GLE1: variants seen among roughly 807,000 people sequenced by gnomAD.
The protein encoded by GLE1 is mRNA export factor GLE1.
In GLE1, 78 loss-of-function variants were observed where a neutral mutation model predicts 97.3. The observed-to-expected ratio is 0.80, with a 90% CI of 0.67 to 0.97. GLE1 has a LOEUF of 0.97. Ranked by LOEUF, GLE1 falls within the 50% of genes least tolerant of loss-of-function variation. The pLI, the probability that GLE1 is intolerant of heterozygous loss-of-function variation, is 0.00. For synonymous variants in GLE1, 302 were observed against 313.4 expected (o/e 0.96, Z 0.39); for missense variants, 753 against 857.5 (o/e 0.88, Z 1.52).
At chr9:128,514,295 C>T (rs866995250) in intron 2 of GLE1, among the ~76,000 whole-genome samples, 13 of 145,958 alleles carry the variant, frequency 8.9e-5, no homozygotes, top group East Asian at 4.1e-4. Flanking sequence ...TCCGTGATCA[C>T]GCCACTATAC....
chr9:128,527,599 G>A (rs1189931864), intron 9 of GLE1, 74 bp downstream of exon 9: 1 of 900,318 alleles, frequency 1.1e-6, no homozygotes, highest in Non-Finnish European at 1.9e-6. Context: ...CTATGTATCT[G>A]TAAGGTTCCT....
intron 1 of GLE1, among the ~76,000 whole-genome samples, chr9:128,506,519 C>T (rs1846645060): frequency 6.6e-6 from 1 of 152,122 alleles, no homozygotes; most frequent in Non-Finnish European, 1.5e-5. Flanking sequence ...AAAAAGATGT[C>T]CCAGGTGCAA....
chr9:128,523,582 T>G lies in GLE1; in HGVS notation c.643-10T>G, dbSNP rs1207678915. 6.2e-7 allele frequency: 1 copy of G among 1,613,866 alleles called. No individual in the cohort carries two copies. The highest frequency in any genetic ancestry group is 1.3e-5 in the African/African-American group (1 of 75,018). On this transcript the variant is annotated splice_polypyrimidine_tract_variant and intron_variant, in intron 5 of 15. Coordinates refer to ENST00000309971, the MANE Select transcript of GLE1 (RefSeq NM_001003722.2). ...CCCTCAGAGAGAAGTCACTCAGCCC[T>G]TTTCTACAGATTCTCAACCTGAAGC...
intron 15 of GLE1, 118 bp from the exon 16 acceptor site, chr9:128,540,984 T>C: frequency 1.3e-6 from 1 of 753,926 alleles, no homozygotes; most frequent in Non-Finnish European, 2.4e-6. Context: ...TTTTTCCTTT[T>C]TGTTCACTGT....
chr9:128,516,769 C>T (rs938140089), intron 3 of GLE1, among the ~76,000 whole-genome samples: 5 of 151,288 alleles, frequency 3.3e-5, no homozygotes, highest in Non-Finnish European at 5.9e-5. Context: ...AGATTACAGG[C>T]GCCTGCCACC....
At position 128,525,375 on chromosome 9, in the gene GLE1, A is replaced by T; in HGVS notation, c.1081A>T (p.Lys361Ter). ...AQMQQGPEAH[K>*]EPPAPSQGPG... ...GATGCAGCAGGGACCAGAGGCCCAC[A>T]AAGAGCCCCCAGCTCCCAGCCAGGG... The change falls in exon 7 of 16, where the codon AAA (lysine) becomes TAA (stop). Residue 361 changes from lysine to a stop codon, truncating the protein, a stop_gained. Coordinates refer to ENST00000309971, the MANE Select transcript of GLE1 (RefSeq NM_001003722.2). LOFTEE classifies it high-confidence loss of function. The T allele has an allele frequency of 6.2e-7, 1 of 1,612,432 alleles. No homozygotes were observed. Among genetic ancestry groups the T allele is most frequent in the South Asian group, 1.1e-5 (1 of 90,844 alleles).
In GLE1 at chr9:128,508,976, C is replaced by G. The variant is rs1846722387; in HGVS notation, c.200C>G (p.Ser67Cys). Reference sequence around the variant, plus strand: ...CATATGCAGGAGAACCAACCTCTGTCTGAGACTTCGCCATCCTCTACGTCA... The same window carrying G: ...CATATGCAGGAGAACCAACCTCTGTGTGAGACTTCGCCATCCTCTACGTCA... ...LPHMQENQPL[S>C]ETSPSSTSAS... Residue 67 changes from serine (S) to cysteine (C), a missense_variant, in exon 2 of 16, where the codon TCT becomes TGT. Coordinates refer to ENST00000309971, the MANE Select transcript of GLE1 (RefSeq NM_001003722.2). 6.2e-7 allele frequency: 1 copy of G among 1,611,396 alleles called. No homozygotes were observed. Among genetic ancestry groups the G allele is most frequent in the Admixed American group, 1.7e-5 (1 of 59,992 alleles).
chr9:128,523,262 C>G lies in GLE1; in HGVS notation c.582-18C>G. On this transcript the variant is annotated intron_variant, in intron 4 of 15. Coordinates refer to ENST00000309971, the MANE Select transcript of GLE1 (RefSeq NM_001003722.2). ...AGGAAGTATCCCTGACTATTCCTCC[C>G]TGCCATTTTTCATGCAGCTCCAGAG... The G allele has an allele frequency of 2.5e-6, 4 of 1,590,758 alleles. No individual in the cohort carries two copies. Among genetic ancestry groups the G allele is most frequent in the Non-Finnish European group, 3.5e-6 (4 of 1,158,692 alleles).
rs60154464 is a variant in GLE1, at chr9:128,522,635, TAAAAAAAAAAAAAA to T, written c.433-23_433-10del. The T allele has an allele frequency of 1.6e-6, 2 of 1,266,978 alleles. No individual in the cohort carries two copies. The highest frequency in any genetic ancestry group is 2.8e-4 in the Middle Eastern group (1 of 3,520). 78.5% of individuals were successfully genotyped at this position (1,266,978 alleles called of 1,614,324 possible). A position where few individuals can be genotyped will look rare whatever the true frequency, so the allele number is the denominator to read the frequency against. On this transcript the variant is annotated intron_variant, in intron 3 of 15. Transcript: ENST00000309971. ...CTGGCGACAGAGAGAGATTCCATCT[TAAAAAAAAAAAAAA>T]AAAAAAAAACCTTTTCAGGAGGGCC...
chr9:128,523,536 A>T (rs944840486), intron 5 of GLE1, 56 bp from the exon 6 acceptor site: 26 of 1,605,446 alleles, frequency 1.6e-5, no homozygotes, highest in Non-Finnish European at 2.1e-5. Context: ...TGAGGACTGT[A>T]GAAAGAAGAA....
At position 128,533,544 on chromosome 9, in the gene GLE1, C is replaced by A. The variant is rs1375633219; in HGVS notation, c.1344C>A (p.Ile448=). ...GSKLKEIFDK[I]HSLLSGKPVQ... Reference sequence around the variant, plus strand: ...AACTGAAGGAGATCTTTGACAAGATCCACAGCCTGCTCTCTGGAAAACCTG... The same window carrying A: ...AACTGAAGGAGATCTTTGACAAGATACACAGCCTGCTCTCTGGAAAACCTG... The change falls in exon 10 of 16, where the codon ATC becomes ATA. Residue 448 remains isoleucine, a synonymous_variant. Coordinates refer to ENST00000309971, the MANE Select transcript of GLE1 (RefSeq NM_001003722.2). 3 of 1,612,594 alleles carry A rather than the reference C, an allele frequency of 1.9e-6. No individual in the cohort carries two copies. In the African/African-American group the frequency reaches 4.0e-5, roughly 22 times the overall value.
In GLE1 at chr9:128,541,170, A is replaced by C; in HGVS notation, c.2097A>C (p.Ter699CysextTer87). Residue 699 changes from the stop codon to cysteine, a stop_lost, in exon 16 of 16, where the codon TGA (stop) becomes TGC (cysteine). Coordinates refer to ENST00000309971, the MANE Select transcript of GLE1 (RefSeq NM_001003722.2). ...GFLTSSFWRS[*>C] ...TGACTTCCTCCTTCTGGCGCTCCTG[A>C]TGTCACTCCATCACCCACCATCACC... The C allele has an allele frequency of 6.6e-7, 1 of 1,522,036 alleles. No individual in the cohort carries two copies. The highest frequency in any genetic ancestry group is 1.4e-5 in the African/African-American group (1 of 73,228). The allele number at this position is 1,522,036 out of a possible 1,614,324, so 94.3% of individuals were successfully genotyped here.
intron 2 of GLE1, among the ~76,000 whole-genome samples, chr9:128,513,508 G>A (rs1247418107): frequency 6.6e-6 from 1 of 151,920 alleles, no homozygotes; most frequent in Non-Finnish European, 1.5e-5. Flanking sequence ...TTTGAGCTCA[G>A]GCATTCGAGA....
intron 8 of GLE1, 65 bp from the exon 9 acceptor site, chr9:128,527,391 C>T: frequency 4.6e-6 from 6 of 1,318,136 alleles, no homozygotes; most frequent in Non-Finnish European, 5.5e-6. Flanking sequence ...GTCACTTTAC[C>T]TGATTCTAAG....
intron 14 of GLE1, 82 bp downstream of exon 14, chr9:128,539,780 T>G: frequency 6.2e-7 from 1 of 1,609,612 alleles, no homozygotes; most frequent in Non-Finnish European, 8.5e-7. Flanking sequence ...TATTACCTGC[T>G]GGTTTTGATT....
chr9:128,535,464 C>G (rs1847673584), intron 11 of GLE1, among the ~76,000 whole-genome samples: 1 of 143,166 alleles, frequency 7.0e-6, no homozygotes, highest in Non-Finnish European at 1.5e-5. Flanking sequence ...GGAGGTTGCA[C>G]TGAGCCGAGA....
At chr9:128,528,582 C>T (rs952808212) in intron 9 of GLE1, among the ~76,000 whole-genome samples, 7 of 152,290 alleles carry the variant, frequency 4.6e-5, no homozygotes, top group Non-Finnish European at 8.8e-5. Context: ...GGATTACAGG[C>T]GTGAGTCACT....
intron 3 of GLE1, among the ~76,000 whole-genome samples, chr9:128,520,406 ATATG>A (rs1356270303): frequency 1.4e-5 from 2 of 148,000 alleles, no homozygotes; most frequent in African/African-American, 4.9e-5. Flanking sequence ...ATGTGTGTAT[ATATG>A]TATATATATG....
chr9:128,524,678 G>A (rs1847252465), intron 6 of GLE1, among the ~76,000 whole-genome samples: 1 of 150,620 alleles, frequency 6.6e-6, no homozygotes, highest in Admixed American at 6.7e-5. Flanking sequence ...CTTGAGGCTA[G>A]GAGTTCGAGA....
Sources: gnomAD v4.1 joint callset for allele counts (sites outside exome capture counted in the v4.1 genomes callset) on GRCh38, gnomAD v4.1.1 for gene constraint, MANE v1.5 for transcripts, NCBI Gene and HGNC (gene_info 2026-07-23, HGNC 2026-07-21) for gene names.